The following ESR2 variants were observed in gnomAD, a reference collection of about 807,000 sequenced individuals.
ESR2 encodes the protein estrogen receptor 2.
In ESR2, 36 loss-of-function variants were observed where a neutral mutation model predicts 49.6. The ratio of observed to expected loss-of-function variants is 0.73; its 90% CI spans 0.56 to 0.96. The LOEUF (loss-of-function observed/expected upper bound fraction) is 0.96, where lower values mean the gene tolerates loss of function less well. Among genes scored for constraint, ESR2 ranks in the 40% least tolerant of loss-of-function variants. The pLI, the probability that ESR2 is intolerant of heterozygous loss-of-function variation, is 0.00. For synonymous variants in ESR2, 320 were observed against 266.1 expected (o/e 1.20, Z -1.97); for missense variants, 714 against 693.0 (o/e 1.03, Z -0.34).
chr14:64,289,758 G>A (rs1466135243), intron 1 of ESR2, among the ~76,000 whole-genome samples: 1 of 152,132 alleles, frequency 6.6e-6, no homozygotes, highest in East Asian at 1.9e-4. Flanking sequence ...TGGGCTGCTG[G>A]TAGCCTGCCA....
chr14:64,330,703 C>A (rs900891425), intron 1 of ESR2: 1 of 152,232 alleles, frequency 6.6e-6, no homozygotes, highest in African/African-American at 2.4e-5. Flanking sequence ...CCAAAAACAT[C>A]TTCACAGAAA....
intron 1 of ESR2, among the ~76,000 whole-genome samples, chr14:64,313,776 G>C (rs1314684486): frequency 6.6e-6 from 1 of 151,352 alleles, no homozygotes; most frequent in African/African-American, 2.4e-5. Flanking sequence ...CTACTCGGGA[G>C]GCTGAGGTAG....
At chr14:64,327,756 C>G (rs1461524128) in intron 1 of ESR2, among the ~76,000 whole-genome samples, 1 of 151,770 alleles carries the variant, frequency 6.6e-6, no homozygotes, top group Admixed American at 6.6e-5. Flanking sequence ...ATAATTCCAG[C>G]TACTTCAGAG....
intron 1 of ESR2, among the ~76,000 whole-genome samples, chr14:64,305,451 A>G (rs938270889): frequency 6.6e-6 from 1 of 151,850 alleles, no homozygotes; most frequent in East Asian, 1.9e-4. Flanking sequence ...CGGGCGGATC[A>G]CGAGGTCAGG....
intron 1 of ESR2, among the ~76,000 whole-genome samples, chr14:64,316,680 G>A (rs1035809523): frequency 2.6e-5 from 4 of 151,862 alleles, no homozygotes; most frequent in African/African-American, 7.3e-5. Context: ...ATGGTGGCAC[G>A]CACCTGTGGT....
chr14:64,250,921 A>G (rs1053337279), intron 6 of ESR2, among the ~76,000 whole-genome samples: 5 of 152,224 alleles, frequency 3.3e-5, no homozygotes, highest in African/African-American at 9.6e-5. Flanking sequence ...TCACTTTGGT[A>G]TATGAGCATT....
intron 4 of ESR2, among the ~76,000 whole-genome samples, chr14:64,268,120 A>G (rs982003957): frequency 1.3e-5 from 2 of 152,196 alleles, no homozygotes; most frequent in Non-Finnish European, 2.9e-5. Flanking sequence ...TCAGTTATAT[A>G]CCAAAGTGCT....
chr14:64,305,117 C>T lies in ESR2; in HGVS notation c.-90-22042G>A, dbSNP rs190822964. Among the ~76,000 whole-genome samples, 1,145 of 150,992 alleles carry T rather than the reference C, an allele frequency of 7.6e-3. 5 individuals carry two copies. Among genetic ancestry groups the T allele is most frequent in the South Asian group, 0.017 (79 of 4,744 alleles). ...CAACCTGGCTAACACGGTGAAACCC[C>T]GTCTCTACTAAAAATACAAAAAAAT... is the stretch of plus-strand genomic sequence containing the variant. On this transcript the variant is annotated intron_variant, in intron 1 of 8. Transcript: ENST00000358599.
At chr14:64,334,022 G>A (rs951429726) in intron 1 of ESR2, among the ~76,000 whole-genome samples, 1 of 151,954 alleles carries the variant, frequency 6.6e-6, no homozygotes, top group Non-Finnish European at 1.5e-5. Flanking sequence ...ATAAAATCAA[G>A]TTAGCACATA....
intron 1 of ESR2, among the ~76,000 whole-genome samples, chr14:64,325,646 A>G (rs1199907083): frequency 1.3e-5 from 2 of 152,180 alleles, no homozygotes; most frequent in Admixed American, 6.6e-5. Context: ...GTCCACTGAT[A>G]ACGTGGATTT....
chr14:64,227,484 G>T, downstream of ESR2: 1 of 1,595,678 alleles, frequency 6.3e-7, no homozygotes, highest in Non-Finnish European at 8.6e-7. Flanking sequence ...AAACTGAAGT[G>T]AAAATGTTAC....
chr14:64,267,199 AAAAACC>A (rs1441706605), intron 4 of ESR2, among the ~76,000 whole-genome samples: 6 of 152,226 alleles, frequency 3.9e-5, no homozygotes, highest in Non-Finnish European at 7.3e-5. Context: ...TTTCACAGAA[AAAAACC>A]AAACTTGTCT....
chr14:64,238,755 TA>T (rs34179608), intron 7 of ESR2, among the ~76,000 whole-genome samples: 49 of 142,534 alleles, frequency 3.4e-4, no homozygotes, highest in Admixed American at 3.5e-4. Context: ...AAGTATAGTT[TA>T]AAAAAAAAAA....
chr14:64,289,538 A>C (rs78786437), intron 1 of ESR2, among the ~76,000 whole-genome samples: 1 of 146,250 alleles, frequency 6.8e-6, no homozygotes, highest in African/African-American at 2.5e-5. Context: ...AAAGAAAAAG[A>C]AAAAAAAAAA....
chr14:64,242,418 C>A (rs996177038), intron 7 of ESR2, among the ~76,000 whole-genome samples: 52 of 116,806 alleles, frequency 4.5e-4, no homozygotes, highest in African/African-American at 1.4e-3. Flanking sequence ...AAAAAAAAAA[C>A]AAAAAAAACA....
chr14:64,326,814 C>T (rs1025871074), intron 1 of ESR2, among the ~76,000 whole-genome samples: 2 of 152,208 alleles, frequency 1.3e-5, no homozygotes, highest in Non-Finnish European at 2.9e-5. Flanking sequence ...ATACCTTTCT[C>T]TTCAGTATCA....
Position 64,260,642 on chromosome 14 carries a change from G to C in ESR2, c.759C>G (p.Pro253=), listed in dbSNP as rs755168876. Residue 253 remains proline, a synonymous_variant, in exon 5 of 9, where the codon CCC becomes CCG. Coordinates refer to ENST00000341099, the MANE Select transcript of ESR2 (RefSeq NM_001437.3). Reference sequence around the variant, plus strand: ...CGTCCAGCAGCAGCTCCCGCACTCGGGGCGCGTGGCCGCCACTTCTCTTGG... The same window carrying C: ...CGTCCAGCAGCAGCTCCCGCACTCGCGGCGCGTGGCCGCCACTTCTCTTGG... ...GKAKRSGGHA[P]RVRELLLDAL... 2 of 1,609,042 alleles carry C rather than the reference G, an allele frequency of 1.2e-6. No individual in the cohort carries two copies. The highest frequency in any genetic ancestry group is 2.2e-5 in the East Asian group (1 of 44,690).
rs746603320 is a variant in ESR2, at chr14:64,283,022, A to G, written c.-37T>C. ...ACAGCTGAGAAAACACCTTGCAAGA[A>G]GAGGCACAAAGGTCATTATAATGTT... On this transcript the variant is annotated 5_prime_UTR_variant, in exon 2 of 9. Coordinates refer to ENST00000341099, the MANE Select transcript of ESR2 (RefSeq NM_001437.3). 1.3e-6 allele frequency: 2 copies of G among 1,578,540 alleles called. No homozygotes were observed. The highest frequency in any genetic ancestry group is 1.7e-6 in the Non-Finnish European group (2 of 1,162,074).
In ESR2 at chr14:64,260,649, T is replaced by A; in HGVS notation, c.752A>T (p.His251Leu). 6.2e-7 allele frequency: 1 copy of A among 1,608,190 alleles called. No individual in the cohort carries two copies. Among genetic ancestry groups the A allele is most frequent in the Non-Finnish European group, 8.5e-7 (1 of 1,177,066 alleles). Residue 251 changes from histidine (H) to leucine (L), a missense_variant, in exon 5 of 9, where the codon CAC becomes CTC. Coordinates refer to ENST00000341099, the MANE Select transcript of ESR2 (RefSeq NM_001437.3). ...CAGKAKRSGG[H>L]APRVRELLLD... ...CAGCAGCTCCCGCACTCGGGGCGCG[T>A]GGCCGCCACTTCTCTTGGCCTTGCC...
Sources: allele counts gnomAD v4.1 joint callset (sites outside exome capture counted in the v4.1 genomes callset), GRCh38; gene constraint gnomAD v4.1.1; transcripts MANE v1.5; gene names NCBI Gene and HGNC (gene_info 2026-07-23, HGNC 2026-07-21).